GLYATL2: variants seen among roughly 807,000 people sequenced by gnomAD.
The protein encoded by GLYATL2 is glycine-N-acyltransferase like 2.
Under a neutral mutation model 21.4 loss-of-function variants are expected in GLYATL2, and 25 were observed. The ratio of observed to expected loss-of-function variants is 1.17; its 90% CI spans 0.85 to 1.63. The LOEUF (loss-of-function observed/expected upper bound fraction) is 1.63, where lower values mean the gene tolerates loss of function less well. GLYATL2 is among the 40% of genes most tolerant of loss of function. The pLI is 0.00. For synonymous variants in GLYATL2, 114 were observed against 118.2 expected, an observed-to-expected ratio of 0.96 and a Z score of 0.23; for missense variants, 361 against 343.3, an observed-to-expected ratio of 1.05 and a Z score of -0.41.
chr11:58,899,259 C>A (rs1248825016), intron 1 of GLYATL2, among the ~76,000 whole-genome samples: 2 of 151,936 alleles, frequency 1.3e-5, no homozygotes, highest in African/African-American at 4.8e-5. Flanking sequence ...TCCACTCCCA[C>A]CCCCACCTCA....
chr11:58,867,923 G>C (rs1052079977), intron 1 of GLYATL2, among the ~76,000 whole-genome samples: 1 of 148,898 alleles, frequency 6.7e-6, no homozygotes, highest in Non-Finnish European at 1.5e-5. Flanking sequence ...TAGGGGCCTA[G>C]TTCCAGCCTT....
chr11:58,883,760 A>G (rs892107554), intron 1 of GLYATL2, among the ~76,000 whole-genome samples: 2 of 152,192 alleles, frequency 1.3e-5, no homozygotes, highest in African/African-American at 4.8e-5. Context: ...CAGAGACACA[A>G]CAAAGAAAGA....
intron 1 of GLYATL2, among the ~76,000 whole-genome samples, chr11:58,854,561 TA>T (rs1463563015): frequency 6.6e-6 from 1 of 152,246 alleles, no homozygotes; most frequent in African/African-American, 2.4e-5. Context: ...GGTCTTATTT[TA>T]GTGTTGATGG....
chr11:58,907,162 T>A (rs1187546870), upstream of GLYATL2: 3 of 422,012 alleles, frequency 7.1e-6, no homozygotes, highest in Non-Finnish European at 1.4e-5. Flanking sequence ...GGGGCTCTGA[T>A]CAGTACACAG....
intron 1 of GLYATL2, among the ~76,000 whole-genome samples, chr11:58,872,571 G>T (rs942017955): frequency 3.3e-5 from 5 of 152,174 alleles, no homozygotes; most frequent in African/African-American, 7.2e-5. Flanking sequence ...TTCTTGTCAG[G>T]TTTGTCAAAG....
chr11:58,863,802 G>A (rs1263835537), intron 1 of GLYATL2, among the ~76,000 whole-genome samples: 1 of 152,172 alleles, frequency 6.6e-6, no homozygotes, highest in Non-Finnish European at 1.5e-5. Flanking sequence ...CTGGAACCGA[G>A]GTCTACAGAA....
intron 1 of GLYATL2, among the ~76,000 whole-genome samples, chr11:58,855,094 TTGA>T (rs1853805781): frequency 1.3e-5 from 2 of 152,124 alleles, no homozygotes; most frequent in Non-Finnish European, 1.5e-5. Context: ...TGTTGATAGC[TTGA>T]TCTCCTCCCA....
upstream of GLYATL2, among the ~76,000 whole-genome samples, chr11:58,906,064 G>A (rs1854873055): frequency 6.6e-6 from 1 of 152,222 alleles, no homozygotes; most frequent in South Asian, 2.1e-4. Flanking sequence ...CGAATCGGGA[G>A]CAGCGGGCAC....
chr11:58,887,704 A>C (rs1396021903), intron 1 of GLYATL2, among the ~76,000 whole-genome samples: 1 of 152,208 alleles, frequency 6.6e-6, no homozygotes, highest in African/African-American at 2.4e-5. Context: ...GTGGCATTCC[A>C]TAGAGTCAAT....
chr11:58,895,807 C>T (rs1328930137), intron 1 of GLYATL2, among the ~76,000 whole-genome samples: 1 of 151,464 alleles, frequency 6.6e-6, no homozygotes, highest in Non-Finnish European at 1.5e-5. Context: ...GCACCTATGC[C>T]AATAGAAAAG....
chr11:58,849,541 G>A (rs142409492), upstream of GLYATL2, among the ~76,000 whole-genome samples: 421 of 152,158 alleles, frequency 2.8e-3, 2 homozygotes, highest in Non-Finnish European at 4.1e-3. Context: ...ACACAAGACT[G>A]AAGCTATACT....
At chr11:58,898,559 G>T (rs1854674060) in intron 1 of GLYATL2, among the ~76,000 whole-genome samples, 1 of 151,574 alleles carries the variant, frequency 6.6e-6, no homozygotes, top group Admixed American at 6.6e-5. Flanking sequence ...TCTAGGCCGG[G>T]TGCAGTGACT....
intron 1 of GLYATL2, among the ~76,000 whole-genome samples, chr11:58,850,144 G>T (rs1853713711): frequency 6.6e-6 from 1 of 152,086 alleles, no homozygotes; most frequent in Non-Finnish European, 1.5e-5. Context: ...GGTAAAAGTG[G>T]GCATCTTTGT....
Position 58,834,620 on chromosome 11 carries a change from A to G in GLYATL2, c.694T>C (p.Tyr232His). 6.2e-7 allele frequency: 1 copy of G among 1,613,678 alleles called. No individual in the cohort carries two copies. Among genetic ancestry groups the G allele is most frequent in the Non-Finnish European group, 8.5e-7 (1 of 1,179,922 alleles). The change falls in exon 6 of 6, where the codon TAC becomes CAC. Residue 232 changes from tyrosine (Y) to histidine (H), a missense_variant. By Grantham distance (83) the Tyr-to-His change is moderately conservative. Transcript: ENST00000287275. ...TGCAACATGTTGCCTTGGTGTCTGT[A>G]TTTGGGGACAGTATAACCCATTCTC... Reference protein sequence around the residue: ...ELRMGYTVPKYRHQGNMLQIG... With the variant: ...ELRMGYTVPKHRHQGNMLQIG...
chr11:58,845,797 T>C (rs1439173374), upstream of GLYATL2, among the ~76,000 whole-genome samples: 3 of 152,204 alleles, frequency 2.0e-5, no homozygotes, highest in Non-Finnish European at 4.4e-5. Flanking sequence ...ATCGAATTAT[T>C]TTAATGACAC....
At chr11:58,890,039 AG>A (rs1337529326) in intron 1 of GLYATL2, among the ~76,000 whole-genome samples, 1 of 152,138 alleles carries the variant, frequency 6.6e-6, no homozygotes, top group African/African-American at 2.4e-5. Context: ...GAGTACGGAC[AG>A]ATCTCATCAC....
chr11:58,876,107 C>T (rs1854227045), intron 1 of GLYATL2, among the ~76,000 whole-genome samples: 1 of 152,210 alleles, frequency 6.6e-6, no homozygotes, highest in African/African-American at 2.4e-5. Context: ...GTGCATTCAT[C>T]ACGTTGTTCT....
At chr11:58,841,377 C>T (rs1302617130) in intron 1 of GLYATL2, among the ~76,000 whole-genome samples, 1 of 151,610 alleles carries the variant, frequency 6.6e-6, no homozygotes, top group Non-Finnish European at 1.5e-5. Context: ...TGAGTCTCTG[C>T]CTCAGTTGCA....
chr11:58,884,302 A>G (rs181773313), intron 1 of GLYATL2, among the ~76,000 whole-genome samples: 1 of 152,342 alleles, frequency 6.6e-6, no homozygotes, highest in East Asian at 1.9e-4. Flanking sequence ...ATATGATTGT[A>G]TATTTAGAAA....
Sources: gnomAD v4.1 joint callset for allele counts (sites outside exome capture counted in the v4.1 genomes callset) on GRCh38, gnomAD v4.1.1 for gene constraint, MANE v1.5 for transcripts, NCBI Gene and HGNC (gene_info 2026-07-23, HGNC 2026-07-21) for gene names.